WWC2: variants seen among roughly 807,000 people sequenced by gnomAD.
WWC2 encodes WW and C2 domain containing 2.
In WWC2, 101 loss-of-function variants were observed where a neutral mutation model predicts 138.5. That is an observed-to-expected ratio of 0.73 (90% CI 0.62 to 0.86). WWC2 has a LOEUF of 0.86. Among genes scored for constraint, WWC2 ranks in the 40% least tolerant of loss-of-function variants. The pLI, the probability that WWC2 is intolerant of heterozygous loss-of-function variation, is 0.00. For missense variants in WWC2, 1,420 were observed against 1,419.4 expected, an observed-to-expected ratio of 1.00 and a Z score of -0.01; for synonymous variants, 558 against 538.4, an observed-to-expected ratio of 1.04 and a Z score of -0.50.
intron 1 of WWC2, among the ~76,000 whole-genome samples, chr4:183,144,701 A>G (rs1733400524): frequency 6.6e-6 from 1 of 152,188 alleles, no homozygotes; most frequent in African/African-American, 2.4e-5. Flanking sequence ...TACTAATAAG[A>G]GGTTCTGGGT....
chr4:183,206,596 A>G (rs1167833820), intron 2 of WWC2, among the ~76,000 whole-genome samples: 4 of 152,244 alleles, frequency 2.6e-5, no homozygotes, highest in Admixed American at 6.5e-5. Context: ...CGATGGGTGA[A>G]AGAAATAGAA....
chr4:183,101,748 A>G (rs34715490), intron 1 of WWC2, among the ~76,000 whole-genome samples: 1 of 152,196 alleles, frequency 6.6e-6, no homozygotes, highest in Non-Finnish European at 1.5e-5. Flanking sequence ...GAGATGTTAC[A>G]CAGGCCAATA....
chr4:183,211,872 AGTACAGTGGC>A (rs1560845571), intron 4 of WWC2, among the ~76,000 whole-genome samples: 1 of 150,744 alleles, frequency 6.6e-6, no homozygotes, highest in East Asian at 2.0e-4. Context: ...CCCAGGCTGG[AGTACAGTGGC>A]GCTATCTCAG....
At chr4:183,266,021 A>G (rs1737493724) in intron 14 of WWC2, 70 bp downstream of exon 14, 1 of 1,348,086 alleles carries the variant, frequency 7.4e-7, no homozygotes, top group African/African-American at 1.4e-5. Context: ...TTACACTGTA[A>G]TCATACAGTT....
intron 2 of WWC2, among the ~76,000 whole-genome samples, chr4:183,206,749 C>G (rs1482708049): frequency 6.6e-6 from 1 of 152,180 alleles, no homozygotes; most frequent in Non-Finnish European, 1.5e-5. Context: ...TCTTAACCAG[C>G]CTGCACTAAC....
At position 183,269,169 on chromosome 4, in the gene WWC2, A is replaced by T. The variant is rs759490177; in HGVS notation, c.2400+6A>T. On this transcript the variant is annotated splice_donor_region_variant and intron_variant, in intron 15 of 22. Coordinates refer to ENST00000403733, the MANE Select transcript of WWC2 (RefSeq NM_024949.6). ...ACCGAAGGGAAGAATGCCTGGTAGG[A>T]TTCTTCATAATTCCCATTACCAAAT... is the stretch of plus-strand genomic sequence containing the variant. The T allele has an allele frequency of 5.0e-6, 8 of 1,596,000 alleles. No individual in the cohort carries two copies. The highest frequency in any genetic ancestry group is 6.0e-6 in the Non-Finnish European group (7 of 1,174,164).
At chr4:183,290,663 T>C (rs1738417951) in intron 21 of WWC2, among the ~76,000 whole-genome samples, 3 of 152,376 alleles carry the variant, frequency 2.0e-5, no homozygotes, top group East Asian at 1.9e-4. Context: ...GGATTGTGTA[T>C]TCATATCCAT....
intron 1 of WWC2, among the ~76,000 whole-genome samples, chr4:183,107,952 TC>T (rs1386655073): frequency 1.3e-5 from 2 of 152,132 alleles, no homozygotes; most frequent in Non-Finnish European, 2.9e-5. Context: ...AAGGGTACCT[TC>T]TTCCTAAACA....
In WWC2 at chr4:183,317,535, G is replaced by A. The variant is rs1739480563; in HGVS notation, c.*1806G>A. ...TCAAGGTCAAATGTGAAAGACAGAA[G>A]TTTATTTAATGTAGAGGTAAATGAA... On this transcript the variant is annotated 3_prime_UTR_variant, in exon 23 of 23. Transcript: ENST00000403733. 1 of 152,594 alleles carries A rather than the reference G, an allele frequency of 6.6e-6. No individual in the cohort carries two copies. Among genetic ancestry groups the A allele is most frequent in the Non-Finnish European group, 1.5e-5 (1 of 68,012 alleles). 9.5% of individuals were successfully genotyped at this position (152,594 alleles called of 1,614,324 possible). A position where few individuals can be genotyped will look rare whatever the true frequency, so the allele number is the denominator to read the frequency against.
intron 1 of WWC2, among the ~76,000 whole-genome samples, chr4:183,174,589 A>G (rs898642752): frequency 6.6e-6 from 1 of 152,208 alleles, no homozygotes; most frequent in Non-Finnish European, 1.5e-5. Flanking sequence ...AGGTAAGCAC[A>G]TATATTAAAT....
intron 1 of WWC2, among the ~76,000 whole-genome samples, chr4:183,180,287 T>A (rs2111182436): frequency 6.6e-6 from 1 of 152,304 alleles, no homozygotes; most frequent in East Asian, 1.9e-4. Flanking sequence ...GCAACGCAGA[T>A]ATCCTGCCTC....
At chr4:183,178,400 A>ATAAATAAG (rs1734524544) in intron 1 of WWC2, among the ~76,000 whole-genome samples, 1 of 149,814 alleles carries the variant, frequency 6.7e-6, no homozygotes, top group South Asian at 2.1e-4. Flanking sequence ...AAATAAATAA[A>ATAAATAAG]TAAATAAATA....
At chr4:183,244,997 G>T (rs77935058) in intron 5 of WWC2, among the ~76,000 whole-genome samples, 6,499 of 152,086 alleles carry the variant, frequency 0.043, 489 homozygotes, top group African/African-American at 0.15. Context: ...GAAAGGAGGG[G>T]CTGAGACGTG....
At chr4:183,099,743 G>A (rs1743103418) in intron 1 of WWC2, 121 bp downstream of exon 1, 6 of 1,023,712 alleles carry the variant, frequency 5.9e-6, no homozygotes, top group South Asian at 4.8e-5. Context: ...TCCCGGGAGG[G>A]ATGTGGGGCT....
chr4:183,288,975 G>T (rs1415579431), intron 20 of WWC2, among the ~76,000 whole-genome samples: 1 of 152,218 alleles, frequency 6.6e-6, no homozygotes, highest in Non-Finnish European at 1.5e-5. Flanking sequence ...AGTTGGTCAG[G>T]CTAAGTAAGC....
At chr4:183,222,148 A>G (rs1735951762) in intron 4 of WWC2, among the ~76,000 whole-genome samples, 1 of 152,206 alleles carries the variant, frequency 6.6e-6, no homozygotes, top group Non-Finnish European at 1.5e-5. Context: ...GATAGACTAT[A>G]AAGAGGCGTG....
At chr4:183,242,255 A>T (rs558965698) in intron 5 of WWC2, among the ~76,000 whole-genome samples, 1 of 152,364 alleles carries the variant, frequency 6.6e-6, no homozygotes, top group Admixed American at 6.5e-5. Flanking sequence ...CATTCTTGAT[A>T]CTATAAAGGG....
Position 183,319,656 on chromosome 4 carries a change from C to T in WWC2, c.*3927C>T, listed in dbSNP as rs560577615. 2.7e-5 allele frequency: 44 copies of T among 1,614,126 alleles called. No homozygotes were observed. The South Asian group carries it at 4.8e-4, about 18-fold the overall frequency. On this transcript the variant is annotated 3_prime_UTR_variant, in exon 23 of 23. Coordinates refer to ENST00000403733, the MANE Select transcript of WWC2 (RefSeq NM_024949.6). ...CGAAGCTAGGGGAGCGTGGCTGGAGCAGGCTGCACAGTGGAGCAGACACCC... is the reference window on the plus strand; with the variant it reads ...CGAAGCTAGGGGAGCGTGGCTGGAGTAGGCTGCACAGTGGAGCAGACACCC...
At chr4:183,107,815 A>G (rs113119832) in intron 1 of WWC2, among the ~76,000 whole-genome samples, 2 of 152,082 alleles carry the variant, frequency 1.3e-5, no homozygotes, top group African/African-American at 4.8e-5. Context: ...TGGGAGATAA[A>G]GATGGATAAG....
Sources: allele counts gnomAD v4.1 joint callset (sites outside exome capture counted in the v4.1 genomes callset), GRCh38; gene constraint gnomAD v4.1.1; transcripts MANE v1.5; gene names NCBI Gene and HGNC (gene_info 2026-07-23, HGNC 2026-07-21).